Variants in KCP observed in about 807,000 individuals in gnomAD.
The protein encoded by KCP is kielin cysteine rich BMP regulator.
Under a neutral mutation model 212.7 loss-of-function variants are expected in KCP, and 194 were observed. The ratio of observed to expected loss-of-function variants is 0.91; its 90% confidence interval spans 0.81 to 1.03. The LOEUF is 1.03. KCP is among the 50% of genes least tolerant of loss of function. The pLI is 0.00. For missense variants in KCP, 2,080 were observed against 2,162.5 expected (o/e 0.96, Z 0.76); for synonymous variants, 833 against 865.3 (o/e 0.96, Z 0.65).
chr7:128,881,786 A>C, intron 30 of KCP, 61 bp from the exon 31 acceptor site: 1 of 1,417,132 alleles, frequency 7.1e-7, no homozygotes, highest in Admixed American at 2.2e-5. Context: ...TGGAGGAGTA[A>C]GGCATAGGCA....
In KCP at chr7:128,881,943, C is replaced by T. The variant is rs1265145322; in HGVS notation, c.3318G>A (p.Gln1106=). Residue 1106 remains glutamine, a synonymous_variant, in exon 30 of 40, where the codon CAG becomes CAA. Transcript: ENST00000610776. ...LAPPDPCYTC[Q]CQDLTWLCIH... is the part of the protein sequence containing the mutation. Reference sequence around the variant, plus strand: ...CCAAGGCAGGAGGGCTCACCTGGCACTGGCACGTGTAGCAGGGGTCTGGTG... The same window carrying T: ...CCAAGGCAGGAGGGCTCACCTGGCATTGGCACGTGTAGCAGGGGTCTGGTG... 4 of 1,551,260 alleles carry T rather than the reference C, an allele frequency of 2.6e-6. No homozygotes were observed. The highest frequency in any genetic ancestry group is 3.9e-5 in the Admixed American group (2 of 50,994).
chr7:128,906,630 C>T lies in KCP; in HGVS notation c.487-267G>A, dbSNP rs111799617. ...AGAGGGGAGATCCTAGGAAGAAGAC[C>T]GAAGACTTTCTCAGGGAGGAAGGAG... On this transcript the variant is annotated intron_variant, in intron 4 of 39. Transcript: ENST00000610776. Among the ~76,000 whole-genome samples, 109 of 152,024 alleles carry T rather than the reference C, an allele frequency of 7.2e-4. 2 individuals carry two copies. The highest frequency in any genetic ancestry group is 2.4e-3 in the African/African-American group (99 of 41,470).
At chr7:128,894,157 G>A in intron 9 of KCP, 43 bp downstream of exon 9, 1 of 1,509,998 alleles carries the variant, frequency 6.6e-7, no homozygotes, top group Non-Finnish European at 8.9e-7. Context: ...TTTTCTCCAG[G>A]TTGCCCACCA....
chr7:128,877,138 T>C lies in KCP; in HGVS notation c.4792A>G (p.Ile1598Val), dbSNP rs1793034432. The change falls in exon 40 of 40, where the codon ATC (isoleucine) becomes GTC (valine). Residue 1598 changes from isoleucine to valine, a missense_variant. By Grantham distance (29) the Ile-to-Val change is conservative. Transcript: ENST00000610776. ...AGLVEHEAHC[I>V]PPEACPQVLL... ...ACTTGGGGGCAGGCCTCGGGTGGGA[T>C]GCAGTGGGCCTCATGCTCCACCAGG... The C allele has an allele frequency of 6.6e-7, 1 of 1,508,040 alleles. No individual in the cohort carries two copies. Among genetic ancestry groups the C allele is most frequent in the Non-Finnish European group, 8.9e-7 (1 of 1,129,772 alleles). 93.4% of individuals were successfully genotyped at this position (1,508,040 alleles called of 1,614,324 possible). A position where few individuals can be genotyped will look rare whatever the true frequency, so the allele number is the denominator to read the frequency against.
Position 128,879,200 on chromosome 7 carries a change from A to G in KCP, c.4146+322T>C, listed in dbSNP as rs994148468. ...GGAACCTGAGACACCCCCCCAGGAG[A>G]CTTCAGCTGACATCCTCCCCACTGC... On this transcript the variant is annotated intron_variant, in intron 37 of 39. Transcript: ENST00000610776. 3 of 405,690 alleles carry G rather than the reference A, an allele frequency of 7.4e-6. No homozygotes were observed. In the East Asian group the frequency reaches 1.3e-4, roughly 17 times the overall value. The allele number at this position is 405,690 out of a possible 1,614,324, so 25.1% of individuals were successfully genotyped here.
At chr7:128,888,643 C>A (rs1793892531) in intron 22 of KCP, among the ~76,000 whole-genome samples, 1 of 151,716 alleles carries the variant, frequency 6.6e-6, no homozygotes. Flanking sequence ...GACACACACA[C>A]ATACACAGCC....
intron 7 of KCP, chr7:128,903,382 G>A (rs1794959615): frequency 3.1e-6 from 1 of 325,906 alleles, no homozygotes; most frequent in Non-Finnish European, 5.6e-6. Flanking sequence ...TCCTGCCCTT[G>A]GCTGTTACAA....
At chr7:128,886,821 G>T (rs1793677826) in intron 24 of KCP, 55 bp downstream of exon 24, 3 of 1,421,096 alleles carry the variant, frequency 2.1e-6, no homozygotes, top group Admixed American at 2.0e-5. Context: ...GGAAGGGAAG[G>T]GGGAGGGAGA....
intron 23 of KCP, 26 bp from the exon 24 acceptor site, chr7:128,886,992 C>T: frequency 8.3e-7 from 1 of 1,209,546 alleles, no homozygotes; most frequent in Non-Finnish European, 1.2e-6. Flanking sequence ...CCATCACACC[C>T]TCAACTGGAC....
chr7:128,881,336 C>T (rs995285312), intron 31 of KCP, among the ~76,000 whole-genome samples: 1 of 152,242 alleles, frequency 6.6e-6, no homozygotes, highest in Non-Finnish European at 1.5e-5. Context: ...GCCAGCTGCC[C>T]GCTCAGCAGT....
rs374429628 is a variant in KCP at position 128,884,050 on chromosome 7, TG to T, written c.3195del (p.Ser1066AlafsTer19). ...RQCPSLVGCPPSQLLPPGPQH... is the reference protein window; with the variant it reads ...RQCPSLVGCPXSQLLPPGPQH... ...TGGGGCCCAGGGGGCAGGAGCTGGCTGGGGGGGCAGCCCACCAGGCTGGGAC... is the reference window on the plus strand; with the variant it reads ...TGGGGCCCAGGGGGCAGGAGCTGGCTGGGGGGCAGCCCACCAGGCTGGGAC... On this transcript the variant is annotated frameshift_variant, in exon 29 of 40. Transcript: ENST00000610776. LOFTEE classifies it high-confidence loss of function. The T allele has an allele frequency of 7.1e-6, 11 of 1,546,124 alleles. No homozygotes were observed. The highest frequency in any genetic ancestry group is 2.5e-5 in the East Asian group (1 of 40,684).
At chr7:128,886,840 A>G in intron 24 of KCP, 36 bp downstream of exon 24, 1 of 1,404,666 alleles carries the variant, frequency 7.1e-7, no homozygotes, top group Non-Finnish European at 9.8e-7. Flanking sequence ...GAGGCGGGGA[A>G]GGGCATGGGG....
intron 20 of KCP, 49 bp downstream of exon 20, chr7:128,890,856 C>A: frequency 8.3e-7 from 1 of 1,204,982 alleles, no homozygotes; most frequent in Non-Finnish European, 1.0e-6. Context: ...CGGGGCGGGG[C>A]GGGGCGGCAG....
Position 128,891,737 on chromosome 7 carries a change from C to T in KCP, c.1704G>A (p.Gln568=). The T allele has an allele frequency of 6.9e-7, 1 of 1,447,104 alleles. No homozygotes were observed. The highest frequency in any genetic ancestry group is 1.5e-5 in the South Asian group (1 of 67,740). The allele number at this position is 1,447,104 out of a possible 1,614,324, so 89.6% of individuals were successfully genotyped here. ...PRDPCQECRC[Q]EGHAHCQPRP... ...GAGGCTGGCAGTGGGCATGGCCTTCCTGGCATCGGCACTCCTGGCAGGGGT... is the reference window on the plus strand; with the variant it reads ...GAGGCTGGCAGTGGGCATGGCCTTCTTGGCATCGGCACTCCTGGCAGGGGT... The change falls in exon 17 of 40, where the codon CAG becomes CAA. Residue 568 remains glutamine, a synonymous_variant. Coordinates refer to ENST00000610776, the MANE Select transcript of KCP (RefSeq NM_001366122.1).
chr7:128,888,128 AC>A (rs1333502608), intron 22 of KCP, among the ~76,000 whole-genome samples: 1 of 146,382 alleles, frequency 6.8e-6, no homozygotes, highest in Non-Finnish European at 1.5e-5. Flanking sequence ...ATACACACAC[AC>A]ACACACACAC....
chr7:128,885,383 G>A (rs1793588824), intron 26 of KCP, 113 bp from the exon 27 acceptor site: 1 of 1,083,512 alleles, frequency 9.2e-7, no homozygotes, highest in Non-Finnish European at 1.3e-6. Flanking sequence ...GAGTTTGCAG[G>A]GATATGGCGG....
At chr7:128,901,881 T>A (rs1794868424) in intron 8 of KCP, among the ~76,000 whole-genome samples, 1 of 152,070 alleles carries the variant, frequency 6.6e-6, no homozygotes, top group African/African-American at 2.4e-5. Flanking sequence ...TGTCCCTACC[T>A]CCCCCAGGCT....
In KCP at chr7:128,892,864, C is replaced by T; in HGVS notation, c.1420+5G>A. 3 of 1,551,046 alleles carry T rather than the reference C, an allele frequency of 1.9e-6. No homozygotes were observed. Among genetic ancestry groups the T allele is most frequent in the Non-Finnish European group, 2.6e-6 (3 of 1,146,742 alleles). Reference sequence around the variant, plus strand: ...AAGAAAGCCAGGATCAGCCCAGGCACTCACCAGGGGGCTGGGTGGGGTGCT... The same window carrying T: ...AAGAAAGCCAGGATCAGCCCAGGCATTCACCAGGGGGCTGGGTGGGGTGCT... On this transcript the variant is annotated splice_donor_5th_base_variant and intron_variant, in intron 14 of 39. Coordinates refer to ENST00000610776, the MANE Select transcript of KCP (RefSeq NM_001366122.1).
chr7:128,898,777 T>A (rs183770728), intron 8 of KCP, among the ~76,000 whole-genome samples: 1 of 152,362 alleles, frequency 6.6e-6, no homozygotes, highest in Non-Finnish European at 1.5e-5. Flanking sequence ...TGTGAAAAAT[T>A]AATCTTGTAA....
Sources: gnomAD v4.1 joint callset for allele counts (sites outside exome capture counted in the v4.1 genomes callset) on GRCh38, gnomAD v4.1.1 for gene constraint, MANE v1.5 for transcripts, NCBI Gene and HGNC (gene_info 2026-07-23, HGNC 2026-07-21) for gene names.